EPB41L4A: variants seen among roughly 807,000 people sequenced by gnomAD.
The protein encoded by EPB41L4A is band 4.1-like protein 4A.
In EPB41L4A, 100 loss-of-function variants were observed where a neutral mutation model predicts 108.6. The observed-to-expected ratio is 0.92, with a 90% CI of 0.78 to 1.09. The LOEUF is 1.09. Among genes scored for constraint, EPB41L4A ranks in the 50% least tolerant of loss-of-function variants. The pLI is 0.00. For synonymous variants in EPB41L4A, 319 were observed against 289.0 expected, an observed-to-expected ratio of 1.10 and a Z score of -1.05; for missense variants, 1,030 against 842.7, an observed-to-expected ratio of 1.22 and a Z score of -2.75.
chr5:112,212,447 T>C (rs1245814993), intron 12 of EPB41L4A, among the ~76,000 whole-genome samples: 1 of 151,958 alleles, frequency 6.6e-6, no homozygotes, highest in African/African-American at 2.4e-5. Flanking sequence ...CGCATGACAC[T>C]GAGTCCAGCT....
At chr5:112,349,854 G>A (rs1332062944) in intron 1 of EPB41L4A, among the ~76,000 whole-genome samples, 1 of 152,192 alleles carries the variant, frequency 6.6e-6, no homozygotes, top group African/African-American at 2.4e-5. Flanking sequence ...GAGGAATGAT[G>A]AGTTAAAAAA....
chr5:112,258,261 C>T (rs1751247008), intron 9 of EPB41L4A, among the ~76,000 whole-genome samples: 1 of 152,214 alleles, frequency 6.6e-6, no homozygotes, highest in South Asian at 2.1e-4. Flanking sequence ...TCAACAGATA[C>T]TTATGAAGTA....
At chr5:112,384,327 T>C (rs1332099444) in intron 1 of EPB41L4A, among the ~76,000 whole-genome samples, 1 of 152,150 alleles carries the variant, frequency 6.6e-6, no homozygotes, top group Non-Finnish European at 1.5e-5. Context: ...GATTTTAACT[T>C]AAAAACATTA....
At chr5:112,143,657 G>A (rs1022407586) in exon 14 of EPB41L4A, 9 of 242,842 alleles carry the variant, frequency 3.7e-5, no homozygotes, top group African/African-American at 2.1e-4. Flanking sequence ...AAGAGATAAA[G>A]TCAGCCATCC....
chr5:112,149,369 G>A (rs1759380217), intron 12 of EPB41L4A, among the ~76,000 whole-genome samples: 1 of 152,178 alleles, frequency 6.6e-6, no homozygotes, highest in South Asian at 2.1e-4. Flanking sequence ...CTACTTGGGA[G>A]GCTGAGGCAG....
intron 4 of EPB41L4A, among the ~76,000 whole-genome samples, chr5:112,271,121 T>A (rs1348096508): frequency 1.3e-5 from 2 of 152,176 alleles, no homozygotes; most frequent in South Asian, 4.1e-4. Context: ...GTACTCCAGA[T>A]AGTTACTGAA....
At chr5:112,237,931 A>T (rs765705922) in intron 11 of EPB41L4A, among the ~76,000 whole-genome samples, 1 of 152,214 alleles carries the variant, frequency 6.6e-6, no homozygotes, top group Non-Finnish European at 1.5e-5. Context: ...AATTTTGCAA[A>T]GGTTACTTTT....
rs139445643 is a variant in EPB41L4A, at chr5:112,193,038, C to G, written c.1502+1530G>C. On this transcript the variant is annotated intron_variant, in intron 17 of 22. Coordinates refer to ENST00000261486, the MANE Select transcript of EPB41L4A (RefSeq NM_022140.5). ...CACATATGGGTTTTCAAAGAAGAAACTGAAATCATTTCTTTGAGAAAGGTG... is the reference window on the plus strand; with the variant it reads ...CACATATGGGTTTTCAAAGAAGAAAGTGAAATCATTTCTTTGAGAAAGGTG... Among the ~76,000 whole-genome samples the G allele has an allele frequency of 5.8e-3, 882 of 152,320 alleles. 6 individuals are homozygous for G. The highest frequency in any genetic ancestry group is 0.024 in the Middle Eastern group (7 of 294).
In EPB41L4A at chr5:112,404,949, ATCTCT is replaced by A. The variant is rs1288883583; in HGVS notation, c.99+13987_99+13991del. Among the ~76,000 whole-genome samples the A allele has an allele frequency of 5.3e-5, 8 of 152,254 alleles. No individual in the cohort carries two copies. In the East Asian group the frequency reaches 1.4e-3, roughly 26 times the overall value. On this transcript the variant is annotated intron_variant, in intron 1 of 22. Transcript: ENST00000261486. ...TCACTTTCAACTTTCAGGAGGCCAAATCTCTTCTCCAAATCTAAAATCCAAAAACT... is the reference window on the plus strand; with the variant it reads ...TCACTTTCAACTTTCAGGAGGCCAAATCTCCAAATCTAAAATCCAAAAACT...
rs1336761373 is a variant in EPB41L4A at position 112,339,522 on chromosome 5, A to ATC, written c.100-32033_100-32032insGA. Among the ~76,000 whole-genome samples the ATC allele has an allele frequency of 4.7e-3, 169 of 35,806 alleles. 4 individuals carry two copies. Among genetic ancestry groups the ATC allele is most frequent in the African/African-American group, 0.012 (163 of 13,848 alleles). 23.5% of individuals were successfully genotyped at this position (35,806 alleles called of 152,430 possible). A position where few individuals can be genotyped will look rare whatever the true frequency, so the allele number is the denominator to read the frequency against. On this transcript the variant is annotated intron_variant, in intron 1 of 22. Coordinates refer to ENST00000261486, the MANE Select transcript of EPB41L4A (RefSeq NM_022140.5). ...TATATATATATATAGATATATAGAT[A>ATC]TATATCTATATATATATATATTTTT...
At chr5:112,308,287 C>T (rs1214457070) in intron 1 of EPB41L4A, among the ~76,000 whole-genome samples, 1 of 152,188 alleles carries the variant, frequency 6.6e-6, no homozygotes, top group African/African-American at 2.4e-5. Context: ...AATCCCACAA[C>T]AAGTCTCACA....
At chr5:112,293,652 C>T (rs1312483614) in intron 2 of EPB41L4A, among the ~76,000 whole-genome samples, 1 of 152,190 alleles carries the variant, frequency 6.6e-6, no homozygotes, top group Non-Finnish European at 1.5e-5. Flanking sequence ...AATCAACAAA[C>T]TGAAGACCAA....
chr5:112,327,984 C>A (rs978484862), intron 1 of EPB41L4A, among the ~76,000 whole-genome samples: 8 of 152,130 alleles, frequency 5.3e-5, no homozygotes, highest in Non-Finnish European at 1.2e-4. Context: ...AATATTTGGG[C>A]ATTACAGTCC....
chr5:112,258,873 T>C (rs1043292870), intron 9 of EPB41L4A, among the ~76,000 whole-genome samples: 1 of 152,216 alleles, frequency 6.6e-6, no homozygotes, highest in Non-Finnish European at 1.5e-5. Flanking sequence ...AGAATGCATT[T>C]TGGCAGTCCT....
At chr5:112,393,765 A>AG (rs1761124469) in intron 1 of EPB41L4A, among the ~76,000 whole-genome samples, 1 of 152,228 alleles carries the variant, frequency 6.6e-6, no homozygotes, top group African/African-American at 2.4e-5. Context: ...CCTGATACCA[A>AG]AGCCTGGCAG....
chr5:112,390,578 C>T (rs555072310), intron 1 of EPB41L4A, among the ~76,000 whole-genome samples: 75 of 152,144 alleles, frequency 4.9e-4, no homozygotes, highest in Non-Finnish European at 6.9e-4. Flanking sequence ...TGCAGCTCAA[C>T]GAGGCCAGCG....
At chr5:112,224,236 C>T (rs1222892414) in intron 12 of EPB41L4A, among the ~76,000 whole-genome samples, 1 of 152,188 alleles carries the variant, frequency 6.6e-6, no homozygotes, top group African/African-American at 2.4e-5. Context: ...AGGTGTAAGC[C>T]ACCGCATCCA....
chr5:112,345,025 T>C (rs1255859715), intron 1 of EPB41L4A, among the ~76,000 whole-genome samples: 1 of 152,234 alleles, frequency 6.6e-6, no homozygotes, highest in East Asian at 1.9e-4. Flanking sequence ...TATAATCTTA[T>C]TTTGCCAAAA....
At chr5:112,171,038 C>A (rs755116746) in intron 18 of EPB41L4A, 46 bp from the exon 19 acceptor site, 2 of 1,506,286 alleles carry the variant, frequency 1.3e-6, no homozygotes, top group Non-Finnish European at 1.8e-6. Flanking sequence ...CATGCTTCAT[C>A]TCACAACCTA....
Sources: allele counts gnomAD v4.1 joint callset (sites outside exome capture counted in the v4.1 genomes callset), GRCh38; gene constraint gnomAD v4.1.1; transcripts MANE v1.5; gene names NCBI Gene and HGNC (gene_info 2026-07-23, HGNC 2026-07-21).